The following OSBPL10 variants were observed in gnomAD, a reference collection of about 807,000 sequenced individuals.
OSBPL10 encodes oxysterol-binding protein-related protein 10.
A neutral mutation model predicts 81.7 loss-of-function variants in OSBPL10; 49 were observed. That is an observed-to-expected ratio of 0.60 (90% CI 0.48 to 0.76). OSBPL10 has a LOEUF of 0.76. Ranked by LOEUF, OSBPL10 falls within the 30% of genes least tolerant of loss-of-function variation. OSBPL10 has a pLI of 0.00. For synonymous variants in OSBPL10, 419 were observed against 383.6 expected (o/e 1.09, Z -1.08); for missense variants, 923 against 987.8 (o/e 0.93, Z 0.88).
intron 1 of OSBPL10, among the ~76,000 whole-genome samples, chr3:31,973,641 C>T (rs1217734264): frequency 6.6e-6 from 1 of 152,198 alleles, no homozygotes; most frequent in African/African-American, 2.4e-5. Flanking sequence ...AGAAGCAATG[C>T]CATGCACATG....
intron 4 of OSBPL10, among the ~76,000 whole-genome samples, chr3:31,828,829 G>A (rs983042107): frequency 3.9e-5 from 6 of 152,148 alleles, no homozygotes; most frequent in South Asian, 2.1e-4. Flanking sequence ...CACCAGGCCC[G>A]GCCCAGTTTT....
At chr3:31,791,404 A>G (rs1699004915) in intron 4 of OSBPL10, among the ~76,000 whole-genome samples, 1 of 152,226 alleles carries the variant, frequency 6.6e-6, no homozygotes, top group South Asian at 2.1e-4. Context: ...ACAGAGTTAT[A>G]AAGAAAGACT....
chr3:31,763,782 G>GA (rs572474431), intron 4 of OSBPL10, among the ~76,000 whole-genome samples: 312 of 151,712 alleles, frequency 2.1e-3, no homozygotes, highest in Non-Finnish European at 3.8e-3. Context: ...CTTGAAAAAA[G>GA]AAAAAAAACT....
At chr3:31,735,369 G>A (rs1697118906) in intron 5 of OSBPL10, among the ~76,000 whole-genome samples, 1 of 152,204 alleles carries the variant, frequency 6.6e-6, no homozygotes, top group African/African-American at 2.4e-5. Context: ...GAGCCCAGGA[G>A]GTCGAGGCTA....
intron 4 of OSBPL10, among the ~76,000 whole-genome samples, chr3:31,826,936 G>A (rs1478372561): frequency 1.3e-5 from 2 of 152,118 alleles, no homozygotes; most frequent in African/African-American, 4.8e-5. Flanking sequence ...CATTACCAGT[G>A]TTGGCACTTA....
intron 1 of OSBPL10, among the ~76,000 whole-genome samples, chr3:31,923,944 T>C (rs1013293768): frequency 1.3e-5 from 2 of 151,932 alleles, no homozygotes; most frequent in Admixed American, 6.6e-5. Context: ...CAAGGCCATG[T>C]GTGGTGGTTC....
chr3:31,669,987 A>C (rs2125510817), intron 9 of OSBPL10, among the ~76,000 whole-genome samples: 1 of 152,340 alleles, frequency 6.6e-6, no homozygotes, highest in South Asian at 2.1e-4. Context: ...GGATCTCTAA[A>C]AGGGAAGACA....
chr3:31,741,957 T>C (rs555334741), intron 5 of OSBPL10, among the ~76,000 whole-genome samples: 3 of 152,364 alleles, frequency 2.0e-5, no homozygotes, highest in African/African-American at 7.2e-5. Flanking sequence ...TCTGCCATAA[T>C]TGTGAGCCCT....
At chr3:31,828,036 T>C (rs1159684313) in intron 4 of OSBPL10, among the ~76,000 whole-genome samples, 2 of 152,158 alleles carry the variant, frequency 1.3e-5, no homozygotes. Context: ...CTTCCTATCA[T>C]TTATAACAGT....
chr3:31,876,147 TCTC>T (rs1014064384), intron 3 of OSBPL10, among the ~76,000 whole-genome samples: 5 of 152,054 alleles, frequency 3.3e-5, no homozygotes, highest in African/African-American at 1.2e-4. Context: ...CACTAGAGCT[TCTC>T]AATAGACCAA....
chr3:31,849,930 C>T lies in OSBPL10; in HGVS notation c.538-19699G>A, dbSNP rs529452373. On this transcript the variant is annotated intron_variant, in intron 3 of 11. Coordinates refer to ENST00000396556, the MANE Select transcript of OSBPL10 (RefSeq NM_017784.5). Reference sequence around the variant, plus strand: ...CTGTAATCCCAGCACTTTGGGAGACCGAAGTAAGCGGATCACCTGAGGTTG... The same window carrying T: ...CTGTAATCCCAGCACTTTGGGAGACTGAAGTAAGCGGATCACCTGAGGTTG... 3.3e-5 allele frequency among the ~76,000 whole-genome samples: 5 copies of T among 152,134 alleles called. No individual in the cohort carries two copies. In the East Asian group the frequency reaches 5.8e-4, roughly 18 times the overall value.
intron 8 of OSBPL10, 69 bp downstream of exon 8, chr3:31,683,565 A>G: frequency 6.5e-7 from 1 of 1,532,612 alleles, no homozygotes; most frequent in Non-Finnish European, 8.8e-7. Flanking sequence ...ACACAAAATT[A>G]TCAATCATCT....
At chr3:31,961,810 T>C (rs1335561441) in intron 1 of OSBPL10, among the ~76,000 whole-genome samples, 2 of 152,142 alleles carry the variant, frequency 1.3e-5, no homozygotes, top group East Asian at 3.8e-4. Context: ...CACCAGCAGA[T>C]GTTCCTGTTA....
chr3:31,838,647 T>A (rs926535200), intron 3 of OSBPL10, among the ~76,000 whole-genome samples: 2 of 151,710 alleles, frequency 1.3e-5, no homozygotes, highest in Non-Finnish European at 2.9e-5. Context: ...GTCACTCAGC[T>A]CTCTTCAACT....
rs143820711 is a variant in OSBPL10 at position 31,826,014 on chromosome 3, TG to T, written c.729+4025del. On this transcript the variant is annotated intron_variant, in intron 4 of 11. Transcript: ENST00000396556. ...TGATTTAGAATCTAAAATGTATTAT[TG>T]TTTAGTCATTCCCTTAATGTCTTGT... 3.9e-3 allele frequency among the ~76,000 whole-genome samples: 591 copies of T among 152,320 alleles called. 3 individuals carry two copies. Among genetic ancestry groups the T allele is most frequent in the African/African-American group, 0.014 (565 of 41,568 alleles).
At chr3:31,752,934 T>A (rs1308165023) in intron 4 of OSBPL10, among the ~76,000 whole-genome samples, 1 of 152,182 alleles carries the variant, frequency 6.6e-6, no homozygotes. Flanking sequence ...CCAAAGCTGC[T>A]TGTCTTGTTG....
intron 1 of OSBPL10, among the ~76,000 whole-genome samples, chr3:31,891,765 GAT>G (rs1361672372): frequency 6.6e-6 from 1 of 152,124 alleles, no homozygotes; most frequent in African/African-American, 2.4e-5. Flanking sequence ...TAGGTTCTGT[GAT>G]ATGAATAAAG....
At chr3:31,863,661 T>C (rs930285837) in intron 3 of OSBPL10, among the ~76,000 whole-genome samples, 1 of 152,214 alleles carries the variant, frequency 6.6e-6, no homozygotes, top group African/African-American at 2.4e-5. Flanking sequence ...CATTTACTAT[T>C]ATTTCCTTTT....
At chr3:31,738,640 C>T (rs763540878) in intron 5 of OSBPL10, among the ~76,000 whole-genome samples, 1 of 152,060 alleles carries the variant, frequency 6.6e-6, no homozygotes, top group African/African-American at 2.4e-5. Flanking sequence ...TGGTGACCCA[C>T]GAGGCACGTA....
Sources: allele counts gnomAD v4.1 joint callset (sites outside exome capture counted in the v4.1 genomes callset), GRCh38; gene constraint gnomAD v4.1.1; transcripts MANE v1.5; gene names NCBI Gene and HGNC (gene_info 2026-07-23, HGNC 2026-07-21).